Variants in MYO16 observed in about 807,000 individuals in gnomAD.
The protein encoded by MYO16 is unconventional myosin-XVI.
A neutral mutation model predicts 205.3 loss-of-function variants in MYO16; 94 were observed. The observed-to-expected ratio is 0.46, with a 90% CI of 0.39 to 0.54. MYO16 has a LOEUF of 0.54. Ranked by LOEUF, MYO16 falls within the 20% of genes least tolerant of loss-of-function variation. The pLI is 0.00. For missense variants in MYO16, 2,315 were observed against 2,387.5 expected (o/e 0.97, Z 0.63); for synonymous variants, 988 against 954.0 (o/e 1.04, Z -0.66).
At chr13:108,655,084 A>C (rs537023608) in intron 1 of MYO16, among the ~76,000 whole-genome samples, 1 of 152,242 alleles carries the variant, frequency 6.6e-6, no homozygotes, top group Admixed American at 6.5e-5. Flanking sequence ...AATTTGCATA[A>C]GTAACAAGCA....
chr13:108,842,968 A>G (rs1877323551), intron 9 of MYO16, among the ~76,000 whole-genome samples: 1 of 152,174 alleles, frequency 6.6e-6, no homozygotes, highest in Non-Finnish European at 1.5e-5. Context: ...AACATGGAAG[A>G]CATTAGGCCA....
chr13:109,146,382 A>T (rs1877331600), intron 32 of MYO16, among the ~76,000 whole-genome samples: 1 of 152,244 alleles, frequency 6.6e-6, no homozygotes, highest in African/African-American at 2.4e-5. Context: ...AAACATAGAC[A>T]AAAGTATAAA....
At chr13:109,180,041 A>G (rs1879390980) in intron 34 of MYO16, among the ~76,000 whole-genome samples, 1 of 152,188 alleles carries the variant, frequency 6.6e-6, no homozygotes, top group South Asian at 2.1e-4. Flanking sequence ...CTGTGGTTTC[A>G]TGGCATGCAT....
chr13:108,876,177 A>C (rs1357694156), intron 12 of MYO16, among the ~76,000 whole-genome samples: 1 of 152,170 alleles, frequency 6.6e-6, no homozygotes. Flanking sequence ...ATTATTCTTA[A>C]TATTCATTGC....
intron 23 of MYO16, among the ~76,000 whole-genome samples, chr13:109,033,956 T>C (rs1438649093): frequency 1.3e-5 from 2 of 152,050 alleles, no homozygotes; most frequent in Admixed American, 1.3e-4. Context: ...TCTGCAGTGC[T>C]TTTAGGGTTG....
At chr13:108,603,932 G>C (rs1236202471) in intron 1 of MYO16, among the ~76,000 whole-genome samples, 1 of 152,036 alleles carries the variant, frequency 6.6e-6, no homozygotes. Context: ...AAATAGCTGA[G>C]ACCAGGTAAT....
rs1191988039 is a variant in MYO16, at chr13:108,651,579, ATACT to A, written c.29-14302_29-14299del. 2.0e-5 allele frequency among the ~76,000 whole-genome samples: 3 copies of A among 152,286 alleles called. No individual in the cohort carries two copies. The East Asian group carries it at 5.8e-4, about 29-fold the overall frequency. ...GTGTTATTTCCATTTTAAAGAGAAAATACTTACTACATTCTCTTACCAGATAAAC... is the reference window on the plus strand; with the variant it reads ...GTGTTATTTCCATTTTAAAGAGAAAATACTACATTCTCTTACCAGATAAAC... On this transcript the variant is annotated intron_variant, in intron 1 of 34. Transcript: ENST00000457511.
chr13:109,146,501 AGCCAGGCATG>A (rs1265464525), intron 32 of MYO16, among the ~76,000 whole-genome samples: 1 of 152,160 alleles, frequency 6.6e-6, no homozygotes. Flanking sequence ...ATGTCAAATC[AGCCAGGCATG>A]GTGGTTCATG....
chr13:108,706,962 A>T (rs1883533253), intron 2 of MYO16, among the ~76,000 whole-genome samples: 1 of 152,182 alleles, frequency 6.6e-6, no homozygotes, highest in African/African-American at 2.4e-5. Flanking sequence ...TTCCCTTGCC[A>T]AGGCTGGAAC....
rs536945277 is a variant in MYO16, at chr13:109,207,687, T to C, written c.*851T>C. 1 of 152,372 alleles carries C rather than the reference T, an allele frequency of 6.6e-6. No homozygotes were observed. The highest frequency in any genetic ancestry group is 2.4e-5 in the African/African-American group (1 of 41,586). 9.4% of individuals were successfully genotyped at this position (152,372 alleles called of 1,614,324 possible). On this transcript the variant is annotated 3_prime_UTR_variant, in exon 35 of 35. Coordinates refer to ENST00000457511, the MANE Select transcript of MYO16 (RefSeq NM_001198950.3). ...TTAAACACGTATGGCTTCAAATCCA[T>C]AGCCGGTGGTGTAAAATGATCATAT... is the stretch of plus-strand genomic sequence containing the variant.
intron 1 of MYO16, among the ~76,000 whole-genome samples, chr13:108,621,267 C>T (rs1879532164): frequency 6.6e-6 from 1 of 152,142 alleles, no homozygotes. Context: ...TGATTCATGA[C>T]TGTTGCATGT....
chr13:109,146,792 C>T (rs1370598067), intron 32 of MYO16, among the ~76,000 whole-genome samples: 1 of 143,520 alleles, frequency 7.0e-6, no homozygotes, highest in Non-Finnish European at 1.5e-5. Context: ...CAATACACTG[C>T]CCAGAAAGAA....
chr13:108,496,062 G>C, the MYO16 span, among the ~76,000 whole-genome samples: 1 of 152,194 alleles, frequency 6.6e-6, no homozygotes, highest in Non-Finnish European at 1.5e-5. Flanking sequence ...GGTGCCCCGG[G>C]TCGGACTTGC....
intron 27 of MYO16, among the ~76,000 whole-genome samples, chr13:109,079,879 C>CTTTTTTTTTTT (rs35912610): frequency 2.9e-5 from 4 of 138,426 alleles, no homozygotes; most frequent in East Asian, 2.1e-4. Context: ...TTCTTTATTT[C>CTTTTTTTTTTT]TTTTTTTTTT....
At chr13:108,761,324 AC>A (rs981472230) in intron 4 of MYO16, among the ~76,000 whole-genome samples, 6 of 152,170 alleles carry the variant, frequency 3.9e-5, no homozygotes, top group African/African-American at 1.2e-4. Flanking sequence ...CCTAGAGTAC[AC>A]AAGATTCCGC....
chr13:109,020,636 T>C (rs1885989492), intron 23 of MYO16, among the ~76,000 whole-genome samples: 1 of 152,228 alleles, frequency 6.6e-6, no homozygotes, highest in African/African-American at 2.4e-5. Flanking sequence ...TTTATCCAAC[T>C]TTCAGTATTA....
chr13:108,684,892 C>A (rs1160939526), intron 2 of MYO16, among the ~76,000 whole-genome samples: 1 of 152,102 alleles, frequency 6.6e-6, no homozygotes, highest in Non-Finnish European at 1.5e-5. Context: ...TGCCTCTTTG[C>A]CAGCTGTTCA....
At chr13:109,051,800 T>C (rs1000451854) in intron 24 of MYO16, among the ~76,000 whole-genome samples, 6 of 152,204 alleles carry the variant, frequency 3.9e-5, no homozygotes, top group Admixed American at 2.6e-4. Flanking sequence ...AAAAGGACAC[T>C]TCTTTTCCCT....
At chr13:108,617,799 A>G (rs1056475994) in intron 1 of MYO16, among the ~76,000 whole-genome samples, 2 of 152,208 alleles carry the variant, frequency 1.3e-5, no homozygotes, top group Non-Finnish European at 2.9e-5. Flanking sequence ...CTTACTGAGT[A>G]CCCAATAGAT....
Sources: allele counts gnomAD v4.1 joint callset (sites outside exome capture counted in the v4.1 genomes callset), GRCh38; gene constraint gnomAD v4.1.1; transcripts MANE v1.5; gene names NCBI Gene and HGNC (gene_info 2026-07-23, HGNC 2026-07-21).